GAS7: variants seen among roughly 807,000 people sequenced by gnomAD.
GAS7 encodes the protein growth arrest specific 7.
GAS7 carries 28 observed loss-of-function variants against 71.1 expected under a neutral mutation model. That is an observed-to-expected ratio of 0.39 (90% CI 0.29 to 0.54). The LOEUF (loss-of-function observed/expected upper bound fraction) is 0.54, where lower values mean the gene tolerates loss of function less well. GAS7 is among the 20% of genes least tolerant of loss of function. The pLI is 0.62. For missense variants in GAS7, 436 were observed against 627.8 expected, an observed-to-expected ratio of 0.69 and a Z score of 3.27; for synonymous variants, 258 against 245.8, an observed-to-expected ratio of 1.05 and a Z score of -0.46.
At chr17:9,943,095 A>G (rs763255638) in intron 7 of GAS7, 26 bp downstream of exon 7, 23 of 1,464,152 alleles carry the variant, frequency 1.6e-5, no homozygotes, top group Non-Finnish European at 1.9e-5. Flanking sequence ...GCCAGGCCCC[A>G]GGGCTGGGAG....
intron 2 of GAS7, among the ~76,000 whole-genome samples, chr17:9,995,013 G>A (rs899674367): frequency 1.3e-5 from 2 of 152,178 alleles, no homozygotes; most frequent in African/African-American, 2.4e-5. Context: ...AGTCCAGGTG[G>A]CCTAACAGTC....
Position 9,981,833 on chromosome 17 carries a change from C to T in GAS7, c.356G>A (p.Gly119Asp). The change falls in exon 3 of 14, where the codon GGC becomes GAC. Residue 119 changes from glycine (G) to aspartate (D), a missense_variant. Transcript: ENST00000432992. This position sits in a 1 kb window ranked among gnomAD's most constrained non-coding sequence, Gnocchi z 4.4. ...SSSPGIPASP[G>D]SHRSSLPPTV... ...TGGAGGCAGAGAGCTCCTGTGAGAG[C>T]CAGGGCTGGCTGGAATCCCAGGAGA... is the stretch of plus-strand genomic sequence containing the variant. 6.2e-7 allele frequency: 1 copy of T among 1,605,868 alleles called. No individual in the cohort carries two copies. The highest frequency in any genetic ancestry group is 1.3e-5 in the African/African-American group (1 of 74,892).
At chr17:10,085,691 C>CAAAAAAAAA (rs1194345705) in intron 1 of GAS7, among the ~76,000 whole-genome samples, 2 of 58,180 alleles carry the variant, frequency 3.4e-5, no homozygotes, top group South Asian at 7.1e-4. Flanking sequence ...GATTCCGTCT[C>CAAAAAAAAA]AAAAAAAAAA....
At chr17:10,167,241 G>A (rs776475630) in intron 1 of GAS7, among the ~76,000 whole-genome samples, 1 of 150,900 alleles carries the variant, frequency 6.6e-6, no homozygotes, top group Admixed American at 6.6e-5. Context: ...GTTTTTAGTA[G>A]AGACAGGGTT....
intron 1 of GAS7, among the ~76,000 whole-genome samples, chr17:10,021,803 G>A (rs2072278763): frequency 6.6e-6 from 1 of 152,220 alleles, no homozygotes; most frequent in South Asian, 2.1e-4. Context: ...ATATATGCAA[G>A]ACAAATAGGA....
chr17:10,106,317 C>T (rs1175672241), intron 1 of GAS7, among the ~76,000 whole-genome samples: 1 of 152,192 alleles, frequency 6.6e-6, no homozygotes, highest in Non-Finnish European at 1.5e-5. Context: ...CCGGCCCCTC[C>T]TCTGATCTTC....
intron 1 of GAS7, among the ~76,000 whole-genome samples, chr17:10,152,889 ACTTCTTCAGAAATCAATGAGAAAC>A (rs1279261830): frequency 2.0e-5 from 3 of 152,004 alleles, no homozygotes; most frequent in Non-Finnish European, 2.9e-5. Context: ...CATTTCTTAC[ACTTCTTCAGAAATCAATGAGAAAC>A]CTGGCTGGGC....
chr17:10,064,414 C>T (rs540034066), intron 1 of GAS7, among the ~76,000 whole-genome samples: 3 of 152,284 alleles, frequency 2.0e-5, no homozygotes, highest in South Asian at 4.1e-4. Context: ...AAAGAAGCAC[C>T]CTGATTTTTC....
intron 1 of GAS7, among the ~76,000 whole-genome samples, chr17:10,187,289 A>C (rs898947599): frequency 6.6e-6 from 1 of 152,118 alleles, no homozygotes; most frequent in Non-Finnish European, 1.5e-5. Flanking sequence ...CTCACAATAG[A>C]CTTACAACAT....
At position 10,080,456 on chromosome 17, in the gene GAS7, T is replaced by C. The variant is rs892571303; in HGVS notation, c.184-60559A>G. On this transcript the variant is annotated intron_variant, in intron 1 of 13. Coordinates refer to ENST00000432992, the MANE Select transcript of GAS7 (RefSeq NM_201433.2). The stretch of plus-strand genomic sequence containing the variant: ...CCTCAGAGCTGCTCTACCTATGAAG[T>C]AGCCATTCTTTCATTCCTTTACTTT... 2.0e-5 allele frequency among the ~76,000 whole-genome samples: 3 copies of C among 152,174 alleles called. No homozygotes were observed. In the South Asian group the frequency reaches 6.2e-4, roughly 32 times the overall value.
At chr17:9,931,006 T>C (rs915617787) in intron 9 of GAS7, among the ~76,000 whole-genome samples, 68 of 152,212 alleles carry the variant, frequency 4.5e-4, no homozygotes, top group Non-Finnish European at 9.0e-4. Context: ...GAGCATGTGG[T>C]TGTCCAGGGC....
intron 1 of GAS7, among the ~76,000 whole-genome samples, chr17:10,072,897 AAAAAG>A (rs2073355881): frequency 1.3e-5 from 2 of 152,192 alleles, no homozygotes; most frequent in African/African-American, 4.8e-5. Flanking sequence ...GAACTAAAAA[AAAAAG>A]AAAACAAAAA....
chr17:10,136,052 C>A (rs1044454932), intron 1 of GAS7, among the ~76,000 whole-genome samples: 1 of 152,154 alleles, frequency 6.6e-6, no homozygotes, highest in Admixed American at 6.6e-5. Context: ...TCTGAAGGGA[C>A]CAGACACTCC....
At chr17:10,047,144 G>GT in intron 1 of GAS7, among the ~76,000 whole-genome samples, 1 of 152,192 alleles carries the variant, frequency 6.6e-6, no homozygotes, top group East Asian at 1.9e-4. Flanking sequence ...AGAGCAGGAA[G>GT]TGCAGGGTAG....
chr17:9,990,713 A>G (rs1224299300), intron 2 of GAS7, among the ~76,000 whole-genome samples: 3 of 152,224 alleles, frequency 2.0e-5, no homozygotes, highest in Admixed American at 6.5e-5. Flanking sequence ...ATTGTGGGGA[A>G]GGGAAAATAG....
chr17:10,131,451 T>C (rs1482266294), intron 1 of GAS7, among the ~76,000 whole-genome samples: 1 of 152,162 alleles, frequency 6.6e-6, no homozygotes, highest in African/African-American at 2.4e-5. Context: ...GGCAAAACCC[T>C]GTCTCTACCA....
chr17:9,924,731 A>G (rs1165576406), intron 11 of GAS7: 2 of 152,194 alleles, frequency 1.3e-5, no homozygotes, highest in East Asian at 3.8e-4. Flanking sequence ...GGTTCACCAG[A>G]AATTGAGGTG....
At chr17:9,989,621 G>A (rs1409360837) in intron 2 of GAS7, among the ~76,000 whole-genome samples, 1 of 152,126 alleles carries the variant, frequency 6.6e-6, no homozygotes, top group Non-Finnish European at 1.5e-5. Context: ...AACATATCAG[G>A]TTAGCTCTTG....
At chr17:10,055,210 G>T (rs2073119990) in intron 1 of GAS7, among the ~76,000 whole-genome samples, 1 of 152,172 alleles carries the variant, frequency 6.6e-6, no homozygotes, top group Admixed American at 6.5e-5. Flanking sequence ...GATGCCCATG[G>T]GTAGCAAGCC....
Sources: allele counts gnomAD v4.1 joint callset (sites outside exome capture counted in the v4.1 genomes callset), GRCh38; gene constraint gnomAD v4.1.1; non-coding constraint Gnocchi (gnomAD v3.1); transcripts MANE v1.5; gene names NCBI Gene and HGNC (gene_info 2026-07-23, HGNC 2026-07-21).